Variants in ALK observed in about 807,000 individuals in gnomAD.
ALK encodes the protein ALK receptor tyrosine kinase, also known as ALK tyrosine kinase receptor.
In ALK, 74 loss-of-function variants were observed where a neutral mutation model predicts 163.1. The observed-to-expected ratio is 0.45, with a 90% confidence interval of 0.38 to 0.55. ALK has a LOEUF of 0.55. Ranked by LOEUF, ALK falls within the 20% of genes least tolerant of loss-of-function variation. ALK has a pLI of 0.00. For synonymous variants in ALK, 960 were observed against 843.2 expected, an observed-to-expected ratio of 1.14 and a Z score of -2.40; for missense variants, 2,063 against 2,105.3, an observed-to-expected ratio of 0.98 and a Z score of 0.39.
At chr2:29,622,069 G>A (rs1303522556) in intron 3 of ALK, among the ~76,000 whole-genome samples, 1 of 152,194 alleles carries the variant, frequency 6.6e-6, no homozygotes, top group African/African-American at 2.4e-5. Context: ...CTAGTTTACA[G>A]GTTAGCTTGG....
chr2:29,809,080 T>C (rs1664687491), intron 1 of ALK, among the ~76,000 whole-genome samples: 2 of 152,202 alleles, frequency 1.3e-5, no homozygotes, highest in African/African-American at 4.8e-5. Flanking sequence ...TGACACCAGG[T>C]CAGTGTAAAC....
chr2:29,556,902 G>A (rs2148179680), intron 3 of ALK, among the ~76,000 whole-genome samples: 1 of 152,154 alleles, frequency 6.6e-6, no homozygotes, highest in East Asian at 1.9e-4. Flanking sequence ...ACAATTTGTA[G>A]TAAATTATAT....
chr2:29,222,487 G>A (rs1669830804), intron 21 of ALK, 30 bp downstream of exon 21: 1 of 1,613,850 alleles, frequency 6.2e-7, no homozygotes, highest in Non-Finnish European at 8.5e-7. Flanking sequence ...CGCAAGCCAA[G>A]GGCAGGCTCA....
At chr2:29,783,854 AG>A (rs1171238619) in intron 1 of ALK, among the ~76,000 whole-genome samples, 1 of 152,176 alleles carries the variant, frequency 6.6e-6, no homozygotes, top group Non-Finnish European at 1.5e-5. Context: ...GTTACGGAGC[AG>A]GTGGCCTGAG....
chr2:29,894,872 ACACACC>A (rs1667230302), intron 1 of ALK, among the ~76,000 whole-genome samples: 3 of 150,946 alleles, frequency 2.0e-5, no homozygotes, highest in African/African-American at 7.4e-5. Flanking sequence ...ACACACACAC[ACACACC>A]CCGACATACT....
chr2:29,773,269 G>T (rs534339089), intron 1 of ALK, among the ~76,000 whole-genome samples: 3 of 151,274 alleles, frequency 2.0e-5, no homozygotes, highest in Admixed American at 2.0e-4. Flanking sequence ...TTTCTTTTTA[G>T]AGAACTAGTT....
intron 1 of ALK, among the ~76,000 whole-genome samples, chr2:29,780,867 C>A (rs1408755711): frequency 6.6e-6 from 1 of 152,198 alleles, no homozygotes; most frequent in African/African-American, 2.4e-5. Context: ...TTCCTCAGCT[C>A]TTCAGCAAAA....
intron 1 of ALK, among the ~76,000 whole-genome samples, chr2:29,733,658 T>C (rs764278768): frequency 6.6e-6 from 1 of 152,232 alleles, no homozygotes; most frequent in African/African-American, 2.4e-5. Context: ...TTTATATTAT[T>C]ATTATAGAAA....
chr2:29,402,630 T>A (rs1415893496), intron 4 of ALK, among the ~76,000 whole-genome samples: 5 of 152,228 alleles, frequency 3.3e-5, no homozygotes, highest in African/African-American at 1.2e-4. Context: ...CTCTTCTGGA[T>A]TTAAGTCTGT....
intron 3 of ALK, among the ~76,000 whole-genome samples, chr2:29,552,325 T>C (rs1248695974): frequency 6.6e-6 from 1 of 152,202 alleles, no homozygotes; most frequent in Non-Finnish European, 1.5e-5. Context: ...TGTACAAGTA[T>C]GTTTGAGTCT....
At position 29,748,975 on chromosome 2, in the gene ALK, C is replaced by A. The variant is rs1397697534; in HGVS notation, c.668-31278G>T. On this transcript the variant is annotated intron_variant, in intron 1 of 28. Coordinates refer to ENST00000389048, the MANE Select transcript of ALK (RefSeq NM_004304.5). ...TGGCCAGCTGGTCTTGAACCCCTGA[C>A]CTCAAGTGATCCACCTGCCTTGGCC... Among the ~76,000 whole-genome samples the A allele has an allele frequency of 2.6e-5, 4 of 152,134 alleles. No individual in the cohort carries two copies. The South Asian group carries it at 6.2e-4, about 24-fold the overall frequency.
intron 4 of ALK, among the ~76,000 whole-genome samples, chr2:29,483,075 T>G (rs1271042187): frequency 6.6e-6 from 1 of 152,220 alleles, no homozygotes; most frequent in East Asian, 1.9e-4. Context: ...TGGAAAAGAC[T>G]GTGGTAAATA....
chr2:29,695,071 GC>G, intron 2 of ALK, 57 bp from the exon 3 acceptor site: 4 of 1,605,286 alleles, frequency 2.5e-6, no homozygotes, highest in Non-Finnish European at 2.6e-6. Flanking sequence ...TGACTTTTCA[GC>G]CCCCTCCACT....
At chr2:29,297,403 A>AG (rs1666225107) in intron 8 of ALK, among the ~76,000 whole-genome samples, 2 of 152,354 alleles carry the variant, frequency 1.3e-5, no homozygotes, top group African/African-American at 4.8e-5. Context: ...AACTTCCTAA[A>AG]GAGTAGCCAA....
intron 2 of ALK, among the ~76,000 whole-genome samples, chr2:29,706,593 T>G (rs1678917201): frequency 6.6e-6 from 1 of 152,184 alleles, no homozygotes; most frequent in Non-Finnish European, 1.5e-5. Context: ...GGGCCAAGTC[T>G]CCTTCCATCA....
At chr2:29,679,033 A>C (rs561852247) in intron 3 of ALK, among the ~76,000 whole-genome samples, 2 of 151,750 alleles carry the variant, frequency 1.3e-5, no homozygotes, top group African/African-American at 2.4e-5. Flanking sequence ...GTTTTGCTTC[A>C]TGTGTTTTGT....
intron 4 of ALK, among the ~76,000 whole-genome samples, chr2:29,460,536 T>C (rs1671060463): frequency 2.0e-5 from 3 of 152,222 alleles, no homozygotes; most frequent in African/African-American, 7.2e-5. Flanking sequence ...TGATACTTCT[T>C]ACAATATTTC....
intron 1 of ALK, among the ~76,000 whole-genome samples, chr2:29,822,338 A>G (rs946976235): frequency 1.3e-5 from 2 of 152,210 alleles, no homozygotes; most frequent in Admixed American, 1.3e-4. Flanking sequence ...CTAAAGTCCC[A>G]GGGTACTTAG....
chr2:29,631,660 T>C (rs890850525), intron 3 of ALK, among the ~76,000 whole-genome samples: 13 of 152,364 alleles, frequency 8.5e-5, no homozygotes, highest in African/African-American at 3.1e-4. Context: ...CAAAAGGCTG[T>C]TCATACATCA....
Sources: allele counts gnomAD v4.1 joint callset (sites outside exome capture counted in the v4.1 genomes callset), GRCh38; gene constraint gnomAD v4.1.1; transcripts MANE v1.5; gene names NCBI Gene and HGNC (gene_info 2026-07-23, HGNC 2026-07-21).